Variants in STARD13 observed in about 807,000 individuals in gnomAD.
STARD13 encodes the protein stAR-related lipid transfer protein 13.
A neutral mutation model predicts 106.4 loss-of-function variants in STARD13; 62 were observed. That is an observed-to-expected ratio of 0.58 (90% CI 0.48 to 0.72). The LOEUF is 0.72. Among genes scored for constraint, STARD13 ranks in the 30% least tolerant of loss-of-function variants. The pLI is 0.00. For synonymous variants in STARD13, 565 were observed against 553.0 expected (o/e 1.02, Z -0.31); for missense variants, 1,387 against 1,424.0 (o/e 0.97, Z 0.42).
chr13:33,294,867 T>C (rs1039921924), intron 1 of STARD13, among the ~76,000 whole-genome samples: 1 of 152,210 alleles, frequency 6.6e-6, no homozygotes, highest in Admixed American at 6.5e-5. Flanking sequence ...ACTTGCTCAT[T>C]GAAGAAATCC....
In STARD13 at chr13:33,130,966, G is replaced by C. The variant is rs1383000687; in HGVS notation, c.388-677C>G. 6.6e-6 allele frequency among the ~76,000 whole-genome samples: 1 copy of C among 152,226 alleles called. No homozygotes were observed. The highest frequency in any genetic ancestry group is 1.5e-5 in the Non-Finnish European group (1 of 68,048). ...TTTCTGTGGAATCAACTCCGAGTCA[G>C]AATGCCGTTGGCAGGACGCACACCT... On this transcript the variant is annotated intron_variant, in intron 4 of 13. Transcript: ENST00000336934. This position sits in a 1 kb window ranked among gnomAD's most constrained non-coding sequence, Gnocchi z 4.1.
At chr13:33,667,186 T>C in the STARD13 span, among the ~76,000 whole-genome samples, 1 of 152,216 alleles carries the variant, frequency 6.6e-6, no homozygotes, top group Non-Finnish European at 1.5e-5. Context: ...GATATGATGA[T>C]AAGTGCAGAC....
the STARD13 span, among the ~76,000 whole-genome samples, chr13:33,606,919 G>T: frequency 6.6e-6 from 1 of 152,150 alleles, no homozygotes; most frequent in Non-Finnish European, 1.5e-5. Context: ...CTCTCTCCCA[G>T]GCACTTTAGG....
chr13:33,235,179 C>A (rs1889126393), intron 1 of STARD13, among the ~76,000 whole-genome samples: 1 of 152,122 alleles, frequency 6.6e-6, no homozygotes, highest in Non-Finnish European at 1.5e-5. Context: ...TTTTTAAATT[C>A]TTGAGAGGCT....
At chr13:33,200,344 C>G (rs1886928066) in intron 1 of STARD13, among the ~76,000 whole-genome samples, 1 of 152,236 alleles carries the variant, frequency 6.6e-6, no homozygotes. Context: ...TGCCACCCAC[C>G]ATCTGTATGT....
intron 1 of STARD13, among the ~76,000 whole-genome samples, chr13:33,204,759 G>A (rs973372234): frequency 2.0e-5 from 3 of 152,188 alleles, no homozygotes; most frequent in African/African-American, 2.4e-5. Flanking sequence ...CAGCTCTACC[G>A]GAAGATAAAT....
the STARD13 span, among the ~76,000 whole-genome samples, chr13:33,544,183 A>G: frequency 6.6e-6 from 1 of 152,266 alleles, no homozygotes; most frequent in African/African-American, 2.4e-5. Context: ...ACCCTTTGGA[A>G]GATGCCAGGT....
At chr13:33,185,957 C>T (rs1457110102) in intron 1 of STARD13, 1 of 1,614,114 alleles carries the variant, frequency 6.2e-7, no homozygotes, top group African/African-American at 1.3e-5. Context: ...TGCACCAGCG[C>T]AGCACCAAGC....
the STARD13 span, among the ~76,000 whole-genome samples, chr13:33,533,001 A>G: frequency 3.3e-5 from 5 of 152,210 alleles, no homozygotes; most frequent in East Asian, 1.9e-4. Flanking sequence ...TGAGGCAAAC[A>G]TATCAGTCAC....
chr13:33,419,626 A>G, the STARD13 span, among the ~76,000 whole-genome samples: 23,580 of 151,970 alleles, frequency 0.16, 4,351 homozygotes, highest in African/African-American at 0.44. Context: ...GATACTCTTC[A>G]AGAAGAGCAA....
the STARD13 span, among the ~76,000 whole-genome samples, chr13:33,624,612 GAAC>G: frequency 6.6e-6 from 1 of 152,356 alleles, no homozygotes; most frequent in African/African-American, 2.4e-5. Flanking sequence ...ATTTATGAAA[GAAC>G]AACGGACACT....
chr13:33,602,624 A>T, the STARD13 span, among the ~76,000 whole-genome samples: 1 of 152,212 alleles, frequency 6.6e-6, no homozygotes, highest in Non-Finnish European at 1.5e-5. Flanking sequence ...CATAGACCAG[A>T]GGTCTCCAAA....
chr13:33,291,274 C>T (rs576622586), intron 1 of STARD13, among the ~76,000 whole-genome samples: 24 of 152,316 alleles, frequency 1.6e-4, no homozygotes, highest in African/African-American at 5.8e-4. Context: ...ACAAGCTGTC[C>T]TTCAGATGTT....
intron 4 of STARD13, among the ~76,000 whole-genome samples, chr13:33,135,697 C>A (rs1333586932): frequency 1.3e-5 from 2 of 152,124 alleles, no homozygotes; most frequent in African/African-American, 4.8e-5. Flanking sequence ...CTTAAAAAAC[C>A]TTTCTTCACT....
chr13:33,138,184 C>T (rs1189995629), intron 4 of STARD13, among the ~76,000 whole-genome samples: 1 of 152,224 alleles, frequency 6.6e-6, no homozygotes, highest in East Asian at 1.9e-4. Flanking sequence ...GGATATGTGT[C>T]CTTCTCTTTC....
intron 1 of STARD13, among the ~76,000 whole-genome samples, chr13:33,306,967 A>T (rs1892932203): frequency 2.6e-5 from 4 of 152,156 alleles, no homozygotes; most frequent in Admixed American, 2.0e-4. Flanking sequence ...AAACAAAAAA[A>T]AAAAGAAAGA....
intron 1 of STARD13, among the ~76,000 whole-genome samples, chr13:33,189,603 A>G (rs1886093588): frequency 6.6e-6 from 1 of 151,822 alleles, no homozygotes; most frequent in South Asian, 2.1e-4. Flanking sequence ...CCTCCCTCCC[A>G]CAAAGAAGGA....
chr13:33,483,394 C>T, the STARD13 span, among the ~76,000 whole-genome samples: 1 of 152,164 alleles, frequency 6.6e-6, no homozygotes, highest in Non-Finnish European at 1.5e-5. Context: ...TGATAATTTT[C>T]ACCATATCTC....
chr13:33,406,282 A>G, the STARD13 span, among the ~76,000 whole-genome samples: 6 of 152,130 alleles, frequency 3.9e-5, no homozygotes, highest in Non-Finnish European at 4.4e-5. Context: ...TATTTTGCAG[A>G]AAAAAAACCT....
Sources: gnomAD v4.1 joint callset for allele counts (sites outside exome capture counted in the v4.1 genomes callset) on GRCh38, gnomAD v4.1.1 for gene constraint, Gnocchi (gnomAD v3.1) non-coding constraint, MANE v1.5 for transcripts, NCBI Gene and HGNC (gene_info 2026-07-23, HGNC 2026-07-21) for gene names.